The following LINGO2 variants were observed in gnomAD, a reference collection of about 807,000 sequenced individuals.
The protein encoded by LINGO2 is leucine-rich repeat and immunoglobulin-like domain-containing nogo receptor-interacting protein 2.
In LINGO2, 14 loss-of-function variants were observed where a neutral mutation model predicts 30.6. The ratio of observed to expected loss-of-function variants is 0.46; its 90% CI spans 0.30 to 0.72. The LOEUF is 0.72. LINGO2 is among the 30% of genes least tolerant of loss of function. LINGO2 has a pLI of 0.07. For synonymous variants in LINGO2, 317 were observed against 288.5 expected, an observed-to-expected ratio of 1.10 and a Z score of -1.00; for missense variants, 729 against 751.7, an observed-to-expected ratio of 0.97 and a Z score of 0.35.
At chr9:28,632,859 TA>T (rs1827050893) in intron 1 of LINGO2, among the ~76,000 whole-genome samples, 2 of 96,234 alleles carry the variant, frequency 2.1e-5, no homozygotes, top group Admixed American at 1.3e-4. Flanking sequence ...ATATTTTTTA[TA>T]TATATATATA....
intron 4 of LINGO2, among the ~76,000 whole-genome samples, chr9:28,029,379 T>C (rs1823548433): frequency 6.6e-6 from 1 of 152,086 alleles, no homozygotes; most frequent in South Asian, 2.1e-4. Context: ...AACACTAAAG[T>C]GTAAATTAAA....
intron 4 of LINGO2, among the ~76,000 whole-genome samples, chr9:28,067,523 C>T (rs768402473): frequency 4.6e-5 from 7 of 152,086 alleles, no homozygotes; most frequent in Non-Finnish European, 1.0e-4. Flanking sequence ...CTAGTTGTGC[C>T]TTTGGCAAGC....
intron 4 of LINGO2, among the ~76,000 whole-genome samples, chr9:28,228,030 T>C (rs7861075): frequency 0.014 from 2,134 of 152,196 alleles, 50 homozygotes; most frequent in African/African-American, 0.048. Flanking sequence ...ATCAGATCGA[T>C]AGATGATAGG....
chr9:28,708,581 T>C, the LINGO2 span, among the ~76,000 whole-genome samples: 1 of 152,092 alleles, frequency 6.6e-6, no homozygotes, highest in African/African-American at 2.4e-5. Context: ...ACAGTATTCA[T>C]AGTAAGAACA....
the LINGO2 span, among the ~76,000 whole-genome samples, chr9:28,975,182 G>C: frequency 7.2e-6 from 1 of 138,236 alleles, no homozygotes; most frequent in Non-Finnish European, 1.6e-5. Context: ...TGATTTCTCA[G>C]CTACTGGTGT....
At chr9:28,773,730 C>A in the LINGO2 span, among the ~76,000 whole-genome samples, 1 of 151,986 alleles carries the variant, frequency 6.6e-6, no homozygotes, top group Non-Finnish European at 1.5e-5. Context: ...GCTTGAATCA[C>A]CAAAATTAGA....
At chr9:29,151,109 A>G in the LINGO2 span, among the ~76,000 whole-genome samples, 1 of 152,044 alleles carries the variant, frequency 6.6e-6, no homozygotes, top group Admixed American at 6.6e-5. Context: ...GCCTATTTAC[A>G]GCATTGTTAT....
the LINGO2 span, among the ~76,000 whole-genome samples, chr9:29,121,022 C>T: frequency 5.3e-5 from 8 of 152,200 alleles, no homozygotes; most frequent in African/African-American, 1.9e-4. Flanking sequence ...AAACTGAGAC[C>T]TGGATATATA....
At chr9:28,573,774 A>G (rs1823820770) in intron 1 of LINGO2, among the ~76,000 whole-genome samples, 1 of 152,146 alleles carries the variant, frequency 6.6e-6, no homozygotes, top group African/African-American at 2.4e-5. Context: ...AAGTCAGAAA[A>G]CAGATGAACC....
chr9:28,722,477 A>G, the LINGO2 span, among the ~76,000 whole-genome samples: 1 of 152,140 alleles, frequency 6.6e-6, no homozygotes, highest in Non-Finnish European at 1.5e-5. Context: ...GTGAATTTGA[A>G]GAGCAAAGCA....
chr9:29,212,031 C>T, the LINGO2 span, among the ~76,000 whole-genome samples: 3 of 152,318 alleles, frequency 2.0e-5, no homozygotes, highest in South Asian at 2.1e-4. Context: ...GAGTATCTGA[C>T]TGAGAATTTA....
the LINGO2 span, among the ~76,000 whole-genome samples, chr9:28,858,086 C>G: frequency 6.6e-6 from 1 of 151,886 alleles, no homozygotes; most frequent in African/African-American, 2.4e-5. Flanking sequence ...GGACTGAGCT[C>G]CAGCTTGTCC....
intron 3 of LINGO2, among the ~76,000 whole-genome samples, chr9:28,327,213 A>G (rs1825262463): frequency 6.6e-6 from 1 of 152,142 alleles, no homozygotes; most frequent in African/African-American, 2.4e-5. Flanking sequence ...CCCAGCTTCA[A>G]GAACTGTGAG....
At chr9:29,022,701 A>G in the LINGO2 span, among the ~76,000 whole-genome samples, 4 of 152,208 alleles carry the variant, frequency 2.6e-5, no homozygotes, top group South Asian at 2.1e-4. Context: ...ATTGGAGTGG[A>G]TTTTTCACTA....
intron 5 of LINGO2, among the ~76,000 whole-genome samples, chr9:27,986,408 C>T (rs1347029198): frequency 5.9e-5 from 9 of 151,922 alleles, no homozygotes; most frequent in South Asian, 2.1e-4. Context: ...AGTGGGGCAA[C>T]GGGAGGTAAG....
chr9:29,063,727 C>T, the LINGO2 span, among the ~76,000 whole-genome samples: 1 of 152,068 alleles, frequency 6.6e-6, no homozygotes, highest in Non-Finnish European at 1.5e-5. Flanking sequence ...CTGTGTCCTA[C>T]ATGGCAGTGG....
the LINGO2 span, among the ~76,000 whole-genome samples, chr9:28,992,504 C>G: frequency 6.6e-6 from 1 of 151,786 alleles, no homozygotes; most frequent in African/African-American, 2.4e-5. Context: ...CAGCTCTGCA[C>G]CAAGCAGACC....
At chr9:28,302,897 G>A (rs1181766685) in intron 3 of LINGO2, among the ~76,000 whole-genome samples, 5 of 152,122 alleles carry the variant, frequency 3.3e-5, no homozygotes, top group Non-Finnish European at 5.9e-5. Flanking sequence ...AAAGCATGGG[G>A]TCAGAAAAGA....
At chr9:27,999,162 A>G (rs1315052961) in intron 5 of LINGO2, among the ~76,000 whole-genome samples, 1 of 152,084 alleles carries the variant, frequency 6.6e-6, no homozygotes, top group Non-Finnish European at 1.5e-5. Flanking sequence ...AGTGCACATA[A>G]CTAAAAATGA....
Sources: gnomAD v4.1 joint callset for allele counts (sites outside exome capture counted in the v4.1 genomes callset) on GRCh38, gnomAD v4.1.1 for gene constraint, MANE v1.5 for transcripts, NCBI Gene and HGNC (gene_info 2026-07-23, HGNC 2026-07-21) for gene names.